ITIH6: variants seen among roughly 807,000 people sequenced by gnomAD.
ITIH6 encodes the protein inter-alpha-trypsin inhibitor heavy chain H6.
In ITIH6, 60 loss-of-function variants were observed where a neutral mutation model predicts 58.2. The observed-to-expected ratio is 1.03, with a 90% CI of 0.84 to 1.28. The LOEUF is 1.28. Among genes scored for constraint, ITIH6 ranks in the 50% most tolerant of loss-of-function variants. ITIH6 has a pLI of 0.00. For missense variants in ITIH6, 1,290 were observed against 1,021.1 expected, an observed-to-expected ratio of 1.26 and a Z score of -3.59; for synonymous variants, 493 against 417.4, an observed-to-expected ratio of 1.18 and a Z score of -2.21.
In ITIH6 at chrX:54,757,691, C is replaced by A. The variant is rs1928526329; in HGVS notation, c.2383G>T (p.Gly795Trp). Residue 795 changes from glycine to tryptophan, a missense_variant, in exon 8 of 13, where the codon GGG becomes TGG. Gly to Trp is a radical substitution (Grantham distance 184, BLOSUM62 -2). Coordinates refer to ENST00000218436, the MANE Select transcript of ITIH6 (RefSeq NM_198510.3). ...TTAGGTGCCTGTGATGTGAGTGCCC[C>A]AAGTTGGGGGTGCGATGGAGCACCA... ...KPGAPSHPQL[G>W]ALTSQAPKGL... The A allele has an allele frequency of 8.3e-7, 1 of 1,208,585 alleles. No homozygotes were observed. The highest frequency in any genetic ancestry group is 1.1e-6 in the Non-Finnish European group (1 of 894,799).
chrX:54,774,232 A>G (rs1490228109), intron 5 of ITIH6, 35 bp from the exon 6 acceptor site: 3 of 809,809 alleles, frequency 3.7e-6, no homozygotes, highest in Admixed American at 3.1e-5. Context: ...AGTAGAACCA[A>G]GAAGAACAGT....
intron 6 of ITIH6, among the ~76,000 whole-genome samples, chrX:54,766,063 A>T (rs1286402037): frequency 9.1e-6 from 1 of 110,368 alleles, no homozygotes; most frequent in Non-Finnish European, 1.9e-5. Context: ...CCTCTTTTAT[A>T]TCCTTGAGCA....
At chrX:54,774,705 A>C (rs768523504) in intron 5 of ITIH6, among the ~76,000 whole-genome samples, 1 of 112,025 alleles carries the variant, frequency 8.9e-6, no homozygotes, top group African/African-American at 3.2e-5. Flanking sequence ...GGAGGAGGGA[A>C]CCTAAGCTGA....
At chrX:54,754,926 T>C (rs34779123) in intron 9 of ITIH6, 91 bp downstream of exon 9, 271,926 of 655,485 alleles carry the variant, frequency 0.41, 42,911 homozygotes, top group African/African-American at 0.77. Flanking sequence ...AATACATTAC[T>C]TCCCTCTGGT....
intron 6 of ITIH6, among the ~76,000 whole-genome samples, chrX:54,764,447 C>T (rs1294237112): frequency 9.9e-6 from 1 of 100,857 alleles, no homozygotes; most frequent in Non-Finnish European, 2.0e-5. Flanking sequence ...GTGTGATATT[C>T]CGCTTCCTGT....
At chrX:54,772,078 C>A (rs1385977326) in intron 6 of ITIH6, among the ~76,000 whole-genome samples, 1 of 112,184 alleles carries the variant, frequency 8.9e-6, no homozygotes, top group African/African-American at 3.2e-5. Flanking sequence ...TTCACAATAG[C>A]AAAGACATGG....
chrX:54,768,109 C>A (rs1355052385), intron 6 of ITIH6, among the ~76,000 whole-genome samples: 1 of 85,660 alleles, frequency 1.2e-5, no homozygotes, highest in African/African-American at 5.2e-5. Context: ...GGATAGTTAG[C>A]TCCTCTTGTT....
chrX:54,773,315 T>A (rs1928989964), intron 6 of ITIH6, among the ~76,000 whole-genome samples: 1 of 111,472 alleles, frequency 9.0e-6, no homozygotes, highest in South Asian at 3.8e-4. Context: ...AAGGGCTGGA[T>A]TTGGGGAGAT....
rs773092416 is a variant in ITIH6, at chrX:54,757,851, G to A, written c.2223C>T (p.Pro741=). The change falls in exon 8 of 13, where the codon CCC becomes CCT. Residue 741 remains proline (P), a synonymous_variant. Coordinates refer to ENST00000218436, the MANE Select transcript of ITIH6 (RefSeq NM_198510.3). ...CAGGATTCTGGTGTGATAGAGAGCC[G>A]GGCTTCAGAGGCAACAGAGTACCAG... is the stretch of plus-strand genomic sequence containing the variant. ...SNSGTLLPLK[P]GSLSHQNPDI... The A allele has an allele frequency of 1.3e-5, 16 of 1,209,510 alleles. No individual in the cohort carries two copies. Among genetic ancestry groups the A allele is most frequent in the South Asian group, 8.8e-5 (5 of 56,740 alleles).
intron 6 of ITIH6, among the ~76,000 whole-genome samples, chrX:54,770,087 C>T (rs1378945876): frequency 8.9e-6 from 1 of 112,350 alleles, no homozygotes; most frequent in African/African-American, 3.2e-5. Flanking sequence ...CATGGTGCGC[C>T]GTTTTTTAAG....
intron 5 of ITIH6, among the ~76,000 whole-genome samples, chrX:54,780,473 T>G (rs770851030): frequency 1.8e-4 from 20 of 111,946 alleles, no homozygotes; most frequent in Admixed American, 9.5e-4. Context: ...TCAAAACAGA[T>G]GACAATGTAA....
intron 2 of ITIH6, among the ~76,000 whole-genome samples, chrX:54,792,424 T>C (rs902176239): frequency 1.8e-5 from 2 of 112,165 alleles, no homozygotes; most frequent in African/African-American, 6.5e-5. Context: ...TAATGTTTCT[T>C]AAATTACAAC....
At chrX:54,797,233 C>A (rs1268158175) in intron 1 of ITIH6, 137 bp from the exon 2 acceptor site, 6 of 426,018 alleles carry the variant, frequency 1.4e-5, no homozygotes, top group Non-Finnish European at 1.9e-5. Context: ...AGAGGGAAAA[C>A]AACCTCTGTC....
At chrX:54,772,466 T>A (rs1928972158) in intron 6 of ITIH6, among the ~76,000 whole-genome samples, 1 of 112,422 alleles carries the variant, frequency 8.9e-6, no homozygotes, top group Non-Finnish European at 1.9e-5. Flanking sequence ...TTTACCCATG[T>A]AACAAACCTG....
intron 5 of ITIH6, among the ~76,000 whole-genome samples, chrX:54,788,017 G>T (rs957361039): frequency 1.5e-4 from 17 of 111,061 alleles, no homozygotes; most frequent in African/African-American, 5.3e-4. Flanking sequence ...CTTTCTTCAT[G>T]AATGTGGAAA....
At chrX:54,787,769 G>A (rs1929268449) in intron 5 of ITIH6, 1 of 111,175 alleles carries the variant, frequency 9.0e-6, no homozygotes, top group Non-Finnish European at 1.9e-5. Context: ...TCAGGGCAGC[G>A]GCCACTATGA....
At chrX:54,764,431 C>A (rs1240352098) in intron 6 of ITIH6, among the ~76,000 whole-genome samples, 1 of 105,385 alleles carries the variant, frequency 9.5e-6, no homozygotes, top group Non-Finnish European at 1.9e-5. Flanking sequence ...CACCACAGTC[C>A]CCAGAGTGTG....
At position 54,753,876 on chromosome X, in the gene ITIH6, G is replaced by T. The variant is rs1462622542; in HGVS notation, c.3238+54C>A. ...GTCTATTTCCCCAGCCCCAGTCCCA[G>T]TGCACAAGCTGCCCTGTACTCAAAC... is the stretch of plus-strand genomic sequence containing the variant. On this transcript the variant is annotated intron_variant, in intron 10 of 12. Transcript: ENST00000218436. 36 of 1,166,938 alleles carry T rather than the reference G, an allele frequency of 3.1e-5. No individual in the cohort carries two copies. In the East Asian group the frequency reaches 1.0e-3, roughly 34 times the overall value.
chrX:54,755,193 T>C, intron 8 of ITIH6, 84 bp from the exon 9 acceptor site: 1 of 828,551 alleles, frequency 1.2e-6, no homozygotes, highest in Non-Finnish European at 1.8e-6. Context: ...GAGCCCTCAC[T>C]GGCTCTGCAG....
Sources: allele counts gnomAD v4.1 joint callset (sites outside exome capture counted in the v4.1 genomes callset), GRCh38; gene constraint gnomAD v4.1.1; transcripts MANE v1.5; gene names NCBI Gene and HGNC (gene_info 2026-07-23, HGNC 2026-07-21).